DOCK4: variants seen among roughly 807,000 people sequenced by gnomAD.
DOCK4 encodes dedicator of cytokinesis 4.
DOCK4 carries 97 observed loss-of-function variants against 268.1 expected under a neutral mutation model. That is an observed-to-expected ratio of 0.36 (90% CI 0.31 to 0.43). DOCK4 has a LOEUF of 0.43. DOCK4 is among the 20% of genes least tolerant of loss of function. DOCK4 has a pLI of 1.00. For missense variants in DOCK4, 2,145 were observed against 2,455.7 expected (o/e 0.87, Z 2.67); for synonymous variants, 954 against 887.2 (o/e 1.08, Z -1.34).
chr7:111,964,189 C>G (rs1289013798), intron 8 of DOCK4, among the ~76,000 whole-genome samples: 1 of 138,912 alleles, frequency 7.2e-6, no homozygotes, highest in African/African-American at 3.1e-5. Context: ...TCACCAGCAA[C>G]AGAACAAAGC....
At chr7:111,905,845 T>C (rs552274595) in intron 13 of DOCK4, among the ~76,000 whole-genome samples, 2 of 152,290 alleles carry the variant, frequency 1.3e-5, no homozygotes, top group Non-Finnish European at 2.9e-5. Flanking sequence ...TAGATTACTG[T>C]TGATGATGTT....
intron 22 of DOCK4, 35 bp downstream of exon 22, chr7:111,867,948 GT>G: frequency 6.8e-7 from 1 of 1,479,940 alleles, no homozygotes; most frequent in Non-Finnish European, 9.0e-7. Context: ...TGCACTTATC[GT>G]TTTCTTCTAT....
chr7:112,066,599 T>C (rs1244815870), intron 1 of DOCK4, among the ~76,000 whole-genome samples: 2 of 124,978 alleles, frequency 1.6e-5, no homozygotes, highest in Non-Finnish European at 3.1e-5. Flanking sequence ...CACATATACA[T>C]ATATACACGT....
chr7:112,057,548 C>T (rs1048278858), intron 1 of DOCK4, among the ~76,000 whole-genome samples: 7 of 147,864 alleles, frequency 4.7e-5, no homozygotes, highest in African/African-American at 1.0e-4. Flanking sequence ...AAGACCCTGT[C>T]CCAAAAAATA....
intron 30 of DOCK4, among the ~76,000 whole-genome samples, chr7:111,804,470 A>G (rs1452621406): frequency 6.6e-6 from 1 of 152,190 alleles, no homozygotes; most frequent in Admixed American, 6.5e-5. Flanking sequence ...TTGGGTATAG[A>G]GTTTCAGCTT....
In DOCK4 at chr7:111,732,246, C is replaced by A. The variant is rs373501052; in HGVS notation, c.5461G>T (p.Ala1821Ser). 3.1e-6 allele frequency: 5 copies of A among 1,613,866 alleles called. No individual in the cohort carries two copies. Among genetic ancestry groups the A allele is most frequent in the Non-Finnish European group, 4.2e-6 (5 of 1,179,898 alleles). Residue 1821 changes from alanine (A) to serine (S), a missense_variant, in exon 52 of 53, where the codon GCC becomes TCC. Ala to Ser is a moderately conservative substitution (Grantham distance 99, BLOSUM62 1). This residue lies in a region of DOCK4 where 547 missense variants were observed against 469.0 expected (regional missense o/e 1.17). Coordinates refer to ENST00000428084, the MANE Select transcript of DOCK4 (RefSeq NM_001363540.2). ...RHTTSVSPSP[A>S]GRSPLKGSVQ... ...TTTACCTTCAATGGAGATCGCCCGG[C>A]AGGCGAGGGGGATACTGATGTCGTG...
At position 112,052,147 on chromosome 7, in the gene DOCK4, T is replaced by C. The variant is rs182137885; in HGVS notation, c.38-48016A>G. Among the ~76,000 whole-genome samples, 155 of 152,262 alleles carry C rather than the reference T, an allele frequency of 1.0e-3. 1 individual carries two copies. The highest frequency in any genetic ancestry group is 3.5e-3 in the African/African-American group (144 of 41,574). Reference sequence around the variant, plus strand: ...CTATGTAAATAATTATTGTGCTACATTGTTTAGGGAATAATGAGAAGAAAA... The same window carrying C: ...CTATGTAAATAATTATTGTGCTACACTGTTTAGGGAATAATGAGAAGAAAA... On this transcript the variant is annotated intron_variant, in intron 1 of 52. Coordinates refer to ENST00000428084, the MANE Select transcript of DOCK4 (RefSeq NM_001363540.2).
chr7:111,785,214 C>T (rs938141950), intron 32 of DOCK4, among the ~76,000 whole-genome samples: 2 of 152,130 alleles, frequency 1.3e-5, no homozygotes, highest in East Asian at 1.9e-4. Context: ...TCTGCCCTGA[C>T]CAGTCCTGCA....
At chr7:111,747,106 A>G (rs778512206) in intron 43 of DOCK4, among the ~76,000 whole-genome samples, 161 bp downstream of exon 43, 10 of 152,240 alleles carry the variant, frequency 6.6e-5, no homozygotes, top group Non-Finnish European at 1.3e-4. Flanking sequence ...CTGGGCAATT[A>G]CAAATGACTG....
intron 1 of DOCK4, among the ~76,000 whole-genome samples, chr7:112,179,456 A>G (rs1381845612): frequency 6.6e-6 from 1 of 151,864 alleles, no homozygotes; most frequent in Non-Finnish European, 1.5e-5. Context: ...AGAAAAATAC[A>G]ATGTTAACAT....
At chr7:111,840,528 T>A (rs1803597280) in intron 25 of DOCK4, among the ~76,000 whole-genome samples, 1 of 152,194 alleles carries the variant, frequency 6.6e-6, no homozygotes, top group Non-Finnish European at 1.5e-5. Flanking sequence ...TGGTGCTTTT[T>A]TGTTTTTTTT....
chr7:112,125,241 C>A (rs528807468), intron 1 of DOCK4, among the ~76,000 whole-genome samples: 1 of 152,326 alleles, frequency 6.6e-6, no homozygotes, highest in East Asian at 1.9e-4. Context: ...AATGCTCCCC[C>A]CCTGCCCCAT....
In DOCK4 at chr7:111,949,922, C is replaced by CT. The variant is rs563371560; in HGVS notation, c.702-4125dup. Among the ~76,000 whole-genome samples, 91 of 152,162 alleles carry CT rather than the reference C, an allele frequency of 6.0e-4. 1 individual carries two copies. In the East Asian group the frequency reaches 0.017, roughly 28 times the overall value. On this transcript the variant is annotated intron_variant, in intron 8 of 52. Transcript: ENST00000428084. ...CTGAACAAGTCAATAATACTGCATT[C>CT]TTTTTTTTCCTTTCTTTCTTTTGAG...
At chr7:111,914,829 A>G (rs1042780299) in intron 13 of DOCK4, among the ~76,000 whole-genome samples, 2 of 152,214 alleles carry the variant, frequency 1.3e-5, no homozygotes, top group African/African-American at 4.8e-5. Flanking sequence ...AGTAAGTCCT[A>G]TGGGTTTCTT....
intron 1 of DOCK4, among the ~76,000 whole-genome samples, chr7:112,080,672 C>T (rs1310449277): frequency 1.3e-5 from 2 of 152,184 alleles, no homozygotes; most frequent in South Asian, 2.1e-4. Context: ...TTATGGTAGA[C>T]TTTTGTTTTC....
intron 35 of DOCK4, among the ~76,000 whole-genome samples, chr7:111,781,672 C>T (rs1003244783): frequency 3.9e-5 from 6 of 152,034 alleles, no homozygotes; most frequent in East Asian, 1.9e-4. Context: ...GTGATAAAGA[C>T]GGATACCATC....
intron 16 of DOCK4, among the ~76,000 whole-genome samples, chr7:111,886,824 A>C (rs1054453384): frequency 6.6e-6 from 1 of 152,188 alleles, no homozygotes; most frequent in Non-Finnish European, 1.5e-5. Flanking sequence ...GTTTTGATAA[A>C]TATACTATAG....
chr7:112,151,841 A>C (rs1053102506), intron 1 of DOCK4, among the ~76,000 whole-genome samples: 1 of 151,962 alleles, frequency 6.6e-6, no homozygotes, highest in African/African-American at 2.4e-5. Context: ...ACCAAAAAAC[A>C]AAAAACAAAA....
intron 26 of DOCK4, among the ~76,000 whole-genome samples, chr7:111,829,340 G>A (rs558190280): frequency 1.4e-4 from 22 of 152,266 alleles, no homozygotes; most frequent in South Asian, 1.2e-3. Flanking sequence ...TGAGCAATGA[G>A]CTCAGGATGT....
Sources: gnomAD v4.1 joint callset for allele counts (sites outside exome capture counted in the v4.1 genomes callset) on GRCh38, gnomAD v4.1.1 for gene constraint, gnomAD v4.1.1 regional missense constraint, MANE v1.5 for transcripts, NCBI Gene and HGNC (gene_info 2026-07-23, HGNC 2026-07-21) for gene names.